AKAP13: variants seen among roughly 807,000 people sequenced by gnomAD.
AKAP13 encodes the protein A-kinase anchor protein 13.
AKAP13 carries 80 observed loss-of-function variants against 264.5 expected under a neutral mutation model. The observed-to-expected ratio is 0.30, with a 90% CI of 0.25 to 0.36. The LOEUF is 0.36. Ranked by LOEUF, AKAP13 falls within the 10% of genes least tolerant of loss-of-function variation. The pLI is 1.00. For synonymous variants in AKAP13, 1,380 were observed against 1,250.2 expected (o/e 1.10, Z -2.19); for missense variants, 3,712 against 3,435.2 (o/e 1.08, Z -2.01).
In AKAP13 at chr15:85,741,314, TGCAGCAGGG is replaced by T. The variant is rs1567225441; in HGVS notation, c.7886_7894del (p.Gly2629_Gln2631del). ...CTCCTGGCCCAGCGCGAGGAGGAGGTGCAGCAGGGGCAGCAGGACCTGGAAAAGGAGCGG... is the reference window on the plus strand; with the variant it reads ...CTCCTGGCCCAGCGCGAGGAGGAGGTGCAGCAGGACCTGGAAAAGGAGCGG... On this transcript the variant is annotated inframe_deletion, in exon 35 of 37. Transcript: ENST00000394518. 5.0e-6 allele frequency: 8 copies of T among 1,612,042 alleles called. No homozygotes were observed. In the East Asian group the frequency reaches 6.7e-5, roughly 13 times the overall value.
intron 1 of AKAP13, among the ~76,000 whole-genome samples, chr15:85,420,138 T>A (rs574563627): frequency 1.3e-5 from 2 of 151,994 alleles, no homozygotes; most frequent in African/African-American, 4.8e-5. Context: ...AGACGGGGTT[T>A]CACCGCTTTA....
intron 36 of AKAP13, 35 bp from the exon 37 acceptor site, chr15:85,744,593 T>C (rs2151795793): frequency 6.2e-7 from 1 of 1,612,304 alleles, no homozygotes; most frequent in Non-Finnish European, 8.5e-7. Context: ...GCAGTTTTTC[T>C]GAATTTTTTT....
chr15:85,675,356 C>G (rs545233188), intron 14 of AKAP13, among the ~76,000 whole-genome samples: 2 of 152,302 alleles, frequency 1.3e-5, no homozygotes, highest in East Asian at 3.9e-4. Context: ...GGAGTAGCTG[C>G]AACAGCAAAT....
intron 2 of AKAP13, among the ~76,000 whole-genome samples, chr15:85,493,472 AT>A: frequency 6.6e-6 from 1 of 152,276 alleles, no homozygotes; most frequent in South Asian, 2.1e-4. Flanking sequence ...CCTTGTCTTT[AT>A]GGTGCATGTG....
Position 85,722,331 on chromosome 15 carries a change from A to G in AKAP13, c.6480A>G (p.Ile2160Met). 6.2e-7 allele frequency: 1 copy of G among 1,612,068 alleles called. No homozygotes were observed. The highest frequency in any genetic ancestry group is 1.1e-5 in the South Asian group (1 of 90,838). ...ITKYPVLFQR[I>M]LQCTKDNEVE... ...AGTACCCAGTTTTATTCCAAAGAAT[A>G]TTGCAGTGTACCAAAGGTAAGTCTC... The change falls in exon 25 of 37, where the codon ATA becomes ATG. Residue 2160 changes from isoleucine (I) to methionine (M), a missense_variant. Coordinates refer to ENST00000394518, the MANE Select transcript of AKAP13 (RefSeq NM_007200.5).
chr15:85,420,787 ATTAC>A (rs1258035866), intron 1 of AKAP13, among the ~76,000 whole-genome samples: 2 of 152,322 alleles, frequency 1.3e-5, no homozygotes, highest in East Asian at 1.9e-4. Flanking sequence ...AATGTGGGCT[ATTAC>A]TTTTTCATTG....
chr15:85,653,394 C>T (rs2082951201), intron 10 of AKAP13, among the ~76,000 whole-genome samples: 1 of 152,138 alleles, frequency 6.6e-6, no homozygotes, highest in Non-Finnish European at 1.5e-5. Flanking sequence ...CTCAGTTTGA[C>T]CTGTCCAGTG....
At chr15:85,601,480 A>T (rs539810366) in intron 8 of AKAP13, among the ~76,000 whole-genome samples, 3 of 152,080 alleles carry the variant, frequency 2.0e-5, no homozygotes, top group Non-Finnish European at 4.4e-5. Context: ...GAAAGCTCTC[A>T]CCCAAGATTC....
At chr15:85,678,244 T>A (rs1176741480) in intron 14 of AKAP13, among the ~76,000 whole-genome samples, 1 of 152,158 alleles carries the variant, frequency 6.6e-6, no homozygotes, top group East Asian at 1.9e-4. Flanking sequence ...GTATTATGAG[T>A]CTGAGACAAT....
At position 85,581,991 on chromosome 15, in the gene AKAP13, G is replaced by C; in HGVS notation, c.3923G>C (p.Ser1308Thr). ...GTGAGTACTTTCCCACCTGGGGAGA[G>C]CCTACCAATGGGCAGTACTCCTGAG... is the stretch of plus-strand genomic sequence containing the variant. ...EKVSTFPPGE[S>T]LPMGSTPEEA... The change falls in exon 7 of 37, where the codon AGC (serine) becomes ACC (threonine). Residue 1308 changes from serine (S) to threonine (T), a missense_variant. Physicochemically the swap from Ser to Thr is moderately conservative, Grantham distance 58. Transcript: ENST00000394518. 6.2e-7 allele frequency: 1 copy of C among 1,614,166 alleles called. No homozygotes were observed. Among genetic ancestry groups the C allele is most frequent in the Non-Finnish European group, 8.5e-7 (1 of 1,180,014 alleles).
At chr15:85,660,241 T>C (rs1013766825) in intron 12 of AKAP13, among the ~76,000 whole-genome samples, 1 of 149,686 alleles carries the variant, frequency 6.7e-6, no homozygotes, top group Non-Finnish European at 1.5e-5. Flanking sequence ...TAATCCCAGC[T>C]ACTCAGGAGG....
intron 4 of AKAP13, among the ~76,000 whole-genome samples, chr15:85,537,704 T>G (rs2151199500): frequency 6.6e-6 from 1 of 152,330 alleles, no homozygotes; most frequent in South Asian, 2.1e-4. Context: ...CATCCTGGCT[T>G]CATTGCAAGA....
At chr15:85,645,514 G>T (rs961286272) in intron 9 of AKAP13, among the ~76,000 whole-genome samples, 1 of 152,314 alleles carries the variant, frequency 6.6e-6, no homozygotes, top group African/African-American at 2.4e-5. Context: ...TATCTAAATA[G>T]AAGTAGAATA....
chr15:85,684,823 C>T lies in AKAP13; in HGVS notation c.5239C>T (p.Arg1747Cys), dbSNP rs753175782. Residue 1747 changes from arginine to cysteine, a missense_variant, in exon 16 of 37, where the codon CGT becomes TGT. By Grantham distance (180) the Arg-to-Cys change is radical. Coordinates refer to ENST00000394518, the MANE Select transcript of AKAP13 (RefSeq NM_007200.5). ...ATGGAAGAGTGGAACAAAAGTCAGT[C>T]GTACATTCAGCTACATCAAGAATAA... is the stretch of plus-strand genomic sequence containing the variant. ...SEWKSGTKVSRTFSYIKNKMS... is the reference protein window; with the variant it reads ...SEWKSGTKVSCTFSYIKNKMS... The T allele has an allele frequency of 7.4e-6, 12 of 1,613,876 alleles. No homozygotes were observed. Among genetic ancestry groups the T allele is most frequent in the South Asian group, 1.1e-5 (1 of 91,046 alleles).
At chr15:85,739,099 A>C (rs1028320358) in intron 33 of AKAP13, among the ~76,000 whole-genome samples, 7 of 152,204 alleles carry the variant, frequency 4.6e-5, no homozygotes, top group African/African-American at 1.7e-4. Flanking sequence ...TCTTTGTGAT[A>C]GTTAACCGTT....
chr15:85,635,621 C>T (rs1481960673), intron 8 of AKAP13, among the ~76,000 whole-genome samples: 1 of 151,706 alleles, frequency 6.6e-6, no homozygotes, highest in African/African-American at 2.4e-5. Context: ...TTTAAGAAAT[C>T]TTTGTGTAAC....
chr15:85,582,873 C>T (rs1402790145), intron 7 of AKAP13: 2 of 985,366 alleles, frequency 2.0e-6, no homozygotes, highest in Non-Finnish European at 2.4e-6. Context: ...CTTGTGTCTG[C>T]TTTATCTTGG....
At chr15:85,489,625 G>A (rs1269447717) in intron 2 of AKAP13, among the ~76,000 whole-genome samples, 1 of 152,142 alleles carries the variant, frequency 6.6e-6, no homozygotes, top group Non-Finnish European at 1.5e-5. Context: ...CCAGGGGTGA[G>A]TATCATCATT....
At chr15:85,722,149 T>G (rs747145029) in intron 24 of AKAP13, 33 bp downstream of exon 24, 1 of 1,612,732 alleles carries the variant, frequency 6.2e-7, no homozygotes, top group South Asian at 1.1e-5. Flanking sequence ...TCCCCGTTAT[T>G]GTTGAGAGCC....
Sources: allele counts gnomAD v4.1 joint callset (sites outside exome capture counted in the v4.1 genomes callset), GRCh38; gene constraint gnomAD v4.1.1; transcripts MANE v1.5; gene names NCBI Gene and HGNC (gene_info 2026-07-23, HGNC 2026-07-21).